OTOF: variants seen among roughly 807,000 people sequenced by gnomAD.
OTOF encodes the protein otoferlin, also known as fer-1-like family member 2.
A neutral mutation model predicts 236.8 loss-of-function variants in OTOF; 218 were observed. The ratio of observed to expected loss-of-function variants is 0.92; its 90% CI spans 0.82 to 1.03. The LOEUF (loss-of-function observed/expected upper bound fraction) is 1.03. Ranked by LOEUF, OTOF falls within the 50% of genes least tolerant of loss-of-function variation. The pLI, the probability that OTOF is intolerant of heterozygous loss-of-function variation, is 0.00. For missense variants in OTOF, 2,590 were observed against 2,694.4 expected, an observed-to-expected ratio of 0.96 and a Z score of 0.86; for synonymous variants, 1,041 against 1,072.5, an observed-to-expected ratio of 0.97 and a Z score of 0.57.
chr2:26,471,839 C>T (rs1032185794), intron 30 of OTOF, among the ~76,000 whole-genome samples: 1 of 151,096 alleles, frequency 6.6e-6, no homozygotes, highest in African/African-American at 2.4e-5. Flanking sequence ...CACACATGCA[C>T]ATTTACATAC....
intron 5 of OTOF, among the ~76,000 whole-genome samples, chr2:26,516,001 C>T (rs1666513985): frequency 6.6e-6 from 1 of 152,166 alleles, no homozygotes; most frequent in Non-Finnish European, 1.5e-5. Context: ...GCTGCCCTCT[C>T]TTGGGCCTCC....
At chr2:26,468,817 C>G (rs1340927280) in intron 32 of OTOF, among the ~76,000 whole-genome samples, 1 of 152,134 alleles carries the variant, frequency 6.6e-6, no homozygotes, top group African/African-American at 2.4e-5. Context: ...AAACCAAACA[C>G]TGCATGTTCT....
intron 3 of OTOF, among the ~76,000 whole-genome samples, chr2:26,521,910 C>A (rs982254559): frequency 9.9e-5 from 15 of 152,218 alleles, no homozygotes; most frequent in African/African-American, 3.6e-4. Context: ...AATTCCTCTA[C>A]CAACACCGGC....
chr2:26,558,390 T>C, intron 1 of OTOF, 103 bp downstream of exon 1: 1 of 1,035,096 alleles, frequency 9.7e-7, no homozygotes, highest in Non-Finnish European at 1.5e-6. Flanking sequence ...CTAGAACTTT[T>C]CCCACCCATC....
chr2:26,465,631 C>T (rs373637014), intron 38 of OTOF, 41 bp downstream of exon 38: 2 of 1,594,744 alleles, frequency 1.3e-6, no homozygotes, highest in African/African-American at 1.3e-5. Context: ...GGAGGCAAAG[C>T]AGGCACACTG....
intron 46 of OTOF, among the ~76,000 whole-genome samples, chr2:26,458,899 G>T (rs1664317269): frequency 6.6e-6 from 1 of 152,272 alleles, no homozygotes; most frequent in Non-Finnish European, 1.5e-5. Context: ...CAGAGCCGGG[G>T]CTTGGGTGCA....
chr2:26,548,907 T>A (rs905753561), intron 1 of OTOF, among the ~76,000 whole-genome samples: 2 of 152,214 alleles, frequency 1.3e-5, no homozygotes, highest in Non-Finnish European at 2.9e-5. Context: ...TAAATGAGGT[T>A]ATACAGTATG....
intron 3 of OTOF, among the ~76,000 whole-genome samples, chr2:26,526,744 T>G (rs1403532184): frequency 6.6e-6 from 1 of 152,246 alleles, no homozygotes; most frequent in Non-Finnish European, 1.5e-5. Flanking sequence ...ACTTTTCTTT[T>G]GTTTGTAGTC....
intron 2 of OTOF, among the ~76,000 whole-genome samples, chr2:26,528,470 A>T (rs1326961591): frequency 6.6e-6 from 1 of 152,194 alleles, no homozygotes; most frequent in Non-Finnish European, 1.5e-5. Flanking sequence ...AACACTGGGG[A>T]CAGGTTTGAG....
At chr2:26,532,277 C>G (rs1415286269) in intron 2 of OTOF, among the ~76,000 whole-genome samples, 2 of 151,976 alleles carry the variant, frequency 1.3e-5, no homozygotes, top group African/African-American at 4.8e-5. Flanking sequence ...GGGCACAAGG[C>G]TGGTTGGTGG....
Position 26,460,091 on chromosome 2 carries a change from GAGC to G in OTOF, c.5925_5927del (p.Leu1979del). 1 of 1,580,372 alleles carries G rather than the reference GAGC, an allele frequency of 6.3e-7. No individual in the cohort carries two copies. Among genetic ancestry groups the G allele is most frequent in the Non-Finnish European group, 8.6e-7 (1 of 1,162,590 alleles). ...AGTAGAGGAACAGGGCGAGGAGGAG[GAGC>G]AGCAGCAGGAGCAGCAACAGTTTGA... is the stretch of plus-strand genomic sequence containing the variant. On this transcript the variant is annotated inframe_deletion, in exon 46 of 47. Transcript: ENST00000272371. The surrounding 1 kb of genome is among the most constrained non-coding windows in gnomAD (Gnocchi z 5.3).
chr2:26,480,889 G>A lies in OTOF; in HGVS notation c.1700C>T (p.Ala567Val), dbSNP rs745520384. The change falls in exon 15 of 47, where the codon GCC becomes GTC. Residue 567 changes from alanine (A) to valine (V), a missense_variant. Physicochemically the swap from Ala to Val is moderately conservative, Grantham distance 64. Transcript: ENST00000272371. The stretch of plus-strand genomic sequence containing the variant: ...CACAGCCAGGCCCAGCAGGAGCCGG[G>A]CCCGGAAGGACACACCCTCCCCCAG... The part of the protein sequence containing the change: ...EGLGEGVSFR[A>V]RLLLGLAVEI... 2 of 1,612,976 alleles carry A rather than the reference G, an allele frequency of 1.2e-6. No homozygotes were observed. The highest frequency in any genetic ancestry group is 1.7e-6 in the Non-Finnish European group (2 of 1,179,970).
In OTOF at chr2:26,470,984, T is replaced by C; in HGVS notation, c.3894+137A>G. ...ACTCACCCAGCTCTTTTCCACTGCA[T>C]CTTAGGGGAGGTGTGCTGGCCCAAG... On this transcript the variant is annotated intron_variant, in intron 31 of 46. Coordinates refer to ENST00000272371, the MANE Select transcript of OTOF (RefSeq NM_194248.3). The surrounding 1 kb of genome is among the most constrained non-coding windows in gnomAD (Gnocchi z 4.3). The C allele has an allele frequency of 8.3e-7, 1 of 1,210,674 alleles. No homozygotes were observed. The highest frequency in any genetic ancestry group is 1.2e-5 in the South Asian group (1 of 80,190). 75.0% of individuals were successfully genotyped at this position (1,210,674 alleles called of 1,614,324 possible). A position where few individuals can be genotyped will look rare whatever the true frequency, so the allele number is the denominator to read the frequency against.
At chr2:26,511,509 T>A (rs1364481753) in intron 5 of OTOF, among the ~76,000 whole-genome samples, 1 of 152,254 alleles carries the variant, frequency 6.6e-6, no homozygotes, top group African/African-American at 2.4e-5. Flanking sequence ...CCTCACACCC[T>A]GTTCTGGCAC....
chr2:26,542,404 G>T (rs570153619), intron 1 of OTOF, among the ~76,000 whole-genome samples: 1 of 152,304 alleles, frequency 6.6e-6, no homozygotes, highest in African/African-American at 2.4e-5. Flanking sequence ...ACAATCCAGA[G>T]GGAGATATAT....
At chr2:26,472,775 G>A in intron 29 of OTOF, 126 bp from the exon 30 acceptor site, 1 of 960,448 alleles carries the variant, frequency 1.0e-6, no homozygotes, top group Non-Finnish European at 1.6e-6. Context: ...AGGGGGACAG[G>A]CAGTCAAGGG....
chr2:26,540,491 G>A (rs1036993857), intron 1 of OTOF, among the ~76,000 whole-genome samples: 2 of 152,208 alleles, frequency 1.3e-5, no homozygotes, highest in East Asian at 1.9e-4. Context: ...GGGCAAGGAA[G>A]GGGGCTCAGC....
rs746016654 is a variant in OTOF at position 26,473,341 on chromosome 2, G to C, written c.3571-47C>G. ...CCTGAGCCTCCAAGAAGGGGCAGAG[G>C]AAGCCGGCTGGCTGAGTGGAGCCAC... On this transcript the variant is annotated intron_variant, in intron 28 of 46. Coordinates refer to ENST00000272371, the MANE Select transcript of OTOF (RefSeq NM_194248.3). The surrounding 1 kb of genome is among the most constrained non-coding windows in gnomAD (Gnocchi z 7.2). 1 of 1,613,122 alleles carries C rather than the reference G, an allele frequency of 6.2e-7. No individual in the cohort carries two copies. Among genetic ancestry groups the C allele is most frequent in the East Asian group, 2.2e-5 (1 of 44,886 alleles).
intron 25 of OTOF, 43 bp from the exon 26 acceptor site, chr2:26,474,717 C>T: frequency 6.2e-7 from 1 of 1,609,024 alleles, no homozygotes; most frequent in Non-Finnish European, 8.5e-7. Flanking sequence ...TGCTTGCTGT[C>T]CACACCTGTG....
Sources: gnomAD v4.1 joint callset for allele counts (sites outside exome capture counted in the v4.1 genomes callset) on GRCh38, gnomAD v4.1.1 for gene constraint, Gnocchi (gnomAD v3.1) non-coding constraint, MANE v1.5 for transcripts, NCBI Gene and HGNC (gene_info 2026-07-23, HGNC 2026-07-21) for gene names.